Variants in INPP4B observed in about 807,000 individuals in gnomAD.
INPP4B encodes the protein inositol polyphosphate-4-phosphatase type II B, also known as inositol polyphosphate 4-phosphatase type II.
Under a neutral mutation model 122.5 loss-of-function variants are expected in INPP4B, and 55 were observed. That is an observed-to-expected ratio of 0.45 (90% confidence interval 0.36 to 0.56). The LOEUF is 0.56. Ranked by LOEUF, INPP4B falls within the 20% of genes least tolerant of loss-of-function variation. The probability of loss-of-function intolerance (pLI) is 0.00; values close to 1 mark genes in which losing one functional copy is unlikely to be tolerated. For missense variants in INPP4B, 1,000 were observed against 1,097.7 expected (o/e 0.91, Z 1.26); for synonymous variants, 403 against 388.7 (o/e 1.04, Z -0.43).
At chr4:142,113,927 TAA>T (rs140889009) in intron 21 of INPP4B, among the ~76,000 whole-genome samples, 3,017 of 152,086 alleles carry the variant, frequency 0.02, 104 homozygotes, top group African/African-American at 0.069. Flanking sequence ...TCCATCAACT[TAA>T]AAAGATTCCT....
At chr4:142,645,885 G>A (rs1424275176) in intron 2 of INPP4B, among the ~76,000 whole-genome samples, 2 of 152,134 alleles carry the variant, frequency 1.3e-5, no homozygotes, top group African/African-American at 2.4e-5. Context: ...TAAGAAAAAT[G>A]AAAGATCCTT....
chr4:142,579,258 T>C (rs1734499211), intron 2 of INPP4B, among the ~76,000 whole-genome samples: 1 of 152,000 alleles, frequency 6.6e-6, no homozygotes, highest in Non-Finnish European at 1.5e-5. Flanking sequence ...AAGGAGATAA[T>C]GTCAGTGGAT....
At chr4:142,772,428 C>A (rs565584624) in intron 1 of INPP4B, among the ~76,000 whole-genome samples, 2 of 152,102 alleles carry the variant, frequency 1.3e-5, no homozygotes, top group African/African-American at 2.4e-5. Flanking sequence ...TTAATTCCAA[C>A]TGAACAATCT....
intron 16 of INPP4B, among the ~76,000 whole-genome samples, chr4:142,162,324 A>T (rs1482214144): frequency 6.6e-6 from 1 of 151,778 alleles, no homozygotes; most frequent in Non-Finnish European, 1.5e-5. Context: ...GATATAAAAA[A>T]ACTGATGGAA....
chr4:142,127,150 T>C (rs956041256), intron 18 of INPP4B, among the ~76,000 whole-genome samples: 5 of 152,196 alleles, frequency 3.3e-5, no homozygotes, highest in African/African-American at 1.2e-4. Context: ...GATTTTTACT[T>C]TGTACGCAGT....
At chr4:142,690,337 A>T (rs1759991782) in intron 2 of INPP4B, among the ~76,000 whole-genome samples, 1 of 152,216 alleles carries the variant, frequency 6.6e-6, no homozygotes, top group South Asian at 2.1e-4. Flanking sequence ...GCTCTTCACC[A>T]CGTAAAACAA....
At chr4:142,516,453 C>T (rs62328330) in intron 2 of INPP4B, among the ~76,000 whole-genome samples, 4,839 of 152,216 alleles carry the variant, frequency 0.032, 97 homozygotes, top group Middle Eastern at 0.058. Flanking sequence ...GTCAGCTTAG[C>T]CCCATAATCA....
At chr4:142,829,379 G>T (rs1418738682) in intron 1 of INPP4B, among the ~76,000 whole-genome samples, 1 of 152,120 alleles carries the variant, frequency 6.6e-6, no homozygotes, top group Non-Finnish European at 1.5e-5. Context: ...AGGTGTTTAT[G>T]CCCTTGGCTT....
intron 2 of INPP4B, among the ~76,000 whole-genome samples, chr4:142,510,638 C>G (rs1824595707): frequency 6.6e-6 from 1 of 152,126 alleles, no homozygotes; most frequent in Admixed American, 6.5e-5. Context: ...TTTTCATCAC[C>G]TACGTATTGA....
chr4:142,557,893 G>A (rs555286079), intron 2 of INPP4B, among the ~76,000 whole-genome samples: 11 of 152,168 alleles, frequency 7.2e-5, no homozygotes, highest in Admixed American at 2.0e-4. Context: ...CCCCTTCTAC[G>A]TTCTGGTTCT....
At chr4:142,530,693 C>G (rs1827503974) in intron 2 of INPP4B, among the ~76,000 whole-genome samples, 1 of 151,918 alleles carries the variant, frequency 6.6e-6, no homozygotes, top group Non-Finnish European at 1.5e-5. Context: ...TCATAGGTCT[C>G]TCTGATCAGA....
At chr4:142,429,140 A>G (rs374290032) in intron 5 of INPP4B, 33 bp downstream of exon 5, 1 of 1,324,782 alleles carries the variant, frequency 7.5e-7, no homozygotes. Context: ...AAATTCTTAT[A>G]TTTATTGATA....
At chr4:142,103,559 C>A (rs1377169828) in intron 23 of INPP4B, among the ~76,000 whole-genome samples, 1 of 151,996 alleles carries the variant, frequency 6.6e-6, no homozygotes, top group African/African-American at 2.4e-5. Flanking sequence ...AACAACAAAA[C>A]TAAATTATTC....
At chr4:142,727,797 G>C (rs1400158419) in intron 1 of INPP4B, among the ~76,000 whole-genome samples, 1 of 152,140 alleles carries the variant, frequency 6.6e-6, no homozygotes, top group African/African-American at 2.4e-5. Flanking sequence ...AGGATCACTT[G>C]AGACCAGGAG....
chr4:142,235,107 T>G lies in INPP4B; in HGVS notation c.836+2757A>C, dbSNP rs1856117786. Among the ~76,000 whole-genome samples the G allele has an allele frequency of 2.0e-5, 3 of 152,048 alleles. No individual in the cohort carries two copies. In the South Asian group the frequency reaches 6.2e-4, roughly 31 times the overall value. On this transcript the variant is annotated intron_variant, in intron 12 of 25. Coordinates refer to ENST00000262992, the MANE Select transcript of INPP4B (RefSeq NM_001101669.3). The stretch of plus-strand genomic sequence containing the variant: ...AGAGGAGTATTAGTGAAAATAGAGG[T>G]GGACTTTGAAGATAGCACTGTGAAG...
intron 1 of INPP4B, among the ~76,000 whole-genome samples, chr4:142,845,065 G>T (rs1487363393): frequency 4.6e-5 from 7 of 152,194 alleles, no homozygotes; most frequent in Non-Finnish European, 1.0e-4. Flanking sequence ...TGGTTAGGGA[G>T]AAGATAAAAG....
chr4:142,580,916 T>C (rs112396689), intron 2 of INPP4B, among the ~76,000 whole-genome samples: 14 of 152,192 alleles, frequency 9.2e-5, no homozygotes, highest in African/African-American at 3.4e-4. Flanking sequence ...TCTTATTACA[T>C]GAACTCTGGC....
At chr4:142,822,691 C>A (rs1335733594) in intron 1 of INPP4B, among the ~76,000 whole-genome samples, 4 of 152,154 alleles carry the variant, frequency 2.6e-5, no homozygotes, top group African/African-American at 9.7e-5. Flanking sequence ...ATAGGAACCA[C>A]TGTCTTAAAG....
intron 2 of INPP4B, among the ~76,000 whole-genome samples, chr4:142,495,123 T>C (rs2149796437): frequency 6.6e-6 from 1 of 152,266 alleles, no homozygotes; most frequent in African/African-American, 2.4e-5. Flanking sequence ...TTCATTAAAC[T>C]TTTCTGTATT....
Sources: allele counts gnomAD v4.1 joint callset (sites outside exome capture counted in the v4.1 genomes callset), GRCh38; gene constraint gnomAD v4.1.1; transcripts MANE v1.5; gene names NCBI Gene and HGNC (gene_info 2026-07-23, HGNC 2026-07-21).